Variants in CPOX observed in about 807,000 individuals in gnomAD.
CPOX encodes the protein oxygen-dependent coproporphyrinogen-III oxidase, mitochondrial.
Under a neutral mutation model 48.9 loss-of-function variants are expected in CPOX, and 24 were observed. The ratio of observed to expected loss-of-function variants is 0.49; its 90% CI spans 0.36 to 0.69. The LOEUF (loss-of-function observed/expected upper bound fraction) is 0.69. CPOX is among the 30% of genes least tolerant of loss of function. The pLI, the probability that CPOX is intolerant of heterozygous loss-of-function variation, is 0.00. For synonymous variants in CPOX, 249 were observed against 234.6 expected (o/e 1.06, Z -0.56); for missense variants, 549 against 597.3 (o/e 0.92, Z 0.84).
chr3:98,580,832 TTAAAA>T (rs1478929224), intron 6 of CPOX, 62 bp from the exon 7 acceptor site: 3 of 1,551,484 alleles, frequency 1.9e-6, no homozygotes, highest in African/African-American at 1.4e-5. Context: ...ACCTCTTTAC[TTAAAA>T]TAAATGAAAA....
chr3:98,577,360 G>T (rs1707178155), downstream of CPOX, among the ~76,000 whole-genome samples: 1 of 152,182 alleles, frequency 6.6e-6, no homozygotes, highest in Admixed American at 6.5e-5. Context: ...TAATTCTGAA[G>T]AGAGGGAAAG....
chr3:98,586,671 G>A (rs993247877), intron 4 of CPOX, among the ~76,000 whole-genome samples: 4 of 151,868 alleles, frequency 2.6e-5, no homozygotes, highest in Admixed American at 1.3e-4. Flanking sequence ...TGGGCCGGAC[G>A]CGGTGGCTGA....
chr3:98,572,437 C>A, the CPOX span, among the ~76,000 whole-genome samples: 1 of 151,944 alleles, frequency 6.6e-6, no homozygotes, highest in Non-Finnish European at 1.5e-5. Context: ...GCATCTATTT[C>A]TTTATGGTCC....
rs753030473 is a variant in CPOX at position 98,588,862 on chromosome 3, A to G, written c.812-8T>C. On this transcript the variant is annotated splice_polypyrimidine_tract_variant and splice_region_variant and intron_variant, in intron 3 of 6. Coordinates refer to ENST00000647941, the MANE Select transcript of CPOX (RefSeq NM_000097.7). ...ACCACCACTGCTTGTTGCCTACCAAATCAAGACATGGGATTCTAATGTGGA... is the reference window on the plus strand; with the variant it reads ...ACCACCACTGCTTGTTGCCTACCAAGTCAAGACATGGGATTCTAATGTGGA... 3 of 1,614,058 alleles carry G rather than the reference A, an allele frequency of 1.9e-6. No individual in the cohort carries two copies. The highest frequency in any genetic ancestry group is 1.1e-5 in the South Asian group (1 of 91,082).
At chr3:98,570,754 C>T in the CPOX span, among the ~76,000 whole-genome samples, 2 of 151,976 alleles carry the variant, frequency 1.3e-5, no homozygotes, top group East Asian at 1.9e-4. Context: ...TTGAAATGGC[C>T]ACTTGTATAT....
intron 5 of CPOX, among the ~76,000 whole-genome samples, chr3:98,583,436 CT>C (rs1707298042): frequency 6.6e-6 from 1 of 152,106 alleles, no homozygotes. Context: ...ATTATTTAAT[CT>C]TTTCTGATCC....
intron 5 of CPOX, 46 bp from the exon 6 acceptor site, chr3:98,581,557 T>C (rs1478895556): frequency 1.4e-6 from 2 of 1,440,442 alleles, no homozygotes; most frequent in Non-Finnish European, 2.0e-6. Context: ...CTCAATAAAA[T>C]CTTAAGACTA....
At chr3:98,576,072 C>CAAAAAAAAA (rs56988806), downstream of CPOX, among the ~76,000 whole-genome samples, 9 of 71,418 alleles carry the variant, frequency 1.3e-4, no homozygotes, top group Non-Finnish European at 1.8e-4. Flanking sequence ...AACTCTGCCT[C>CAAAAAAAAA]AAAAAAAAAA....
rs535432218 is a variant in CPOX at position 98,593,018 on chromosome 3, C to A, written c.487G>T (p.Val163Leu). 4.5e-5 allele frequency: 72 copies of A among 1,613,874 alleles called. No homozygotes were observed. The highest frequency in any genetic ancestry group is 1.8e-4 in the Admixed American group (11 of 59,994). The change falls in exon 1 of 7, where the codon GTG (valine) becomes TTG (leucine). Residue 163 changes from valine (V) to leucine (L), a missense_variant. Physicochemically the swap from Val to Leu is conservative, Grantham distance 32. Coordinates refer to ENST00000647941, the MANE Select transcript of CPOX (RefSeq NM_000097.7). ...ELLILETQAQ[V>L]CQALAQVDGG... ...TCTACCTGTGCCAGAGCCTGGCACA[C>A]CTGGGCCTGGGTCTCCAGAATCAGC...
chr3:98,574,615 G>A (rs577338845), downstream of CPOX, among the ~76,000 whole-genome samples: 28 of 152,272 alleles, frequency 1.8e-4, no homozygotes, highest in Admixed American at 3.9e-4. Context: ...AGAGTTTCGC[G>A]CCGTCGCGCA....
intron 1 of CPOX, among the ~76,000 whole-genome samples, chr3:98,592,746 A>T (rs1451287267): frequency 6.6e-6 from 1 of 152,118 alleles, no homozygotes; most frequent in African/African-American, 2.4e-5. Context: ...GTGACAGCTG[A>T]TCCGGGTCCA....
chr3:98,586,529 T>G lies in CPOX; in HGVS notation c.954-870A>C, dbSNP rs2698315. ...TGGAAAAAAAGGTTCAGATGATATC[T>G]TTTATTATTTCATATGTCATATCAG... On this transcript the variant is annotated intron_variant, in intron 4 of 6. Coordinates refer to ENST00000647941, the MANE Select transcript of CPOX (RefSeq NM_000097.7). 3.3e-5 allele frequency among the ~76,000 whole-genome samples: 5 copies of G among 151,886 alleles called. No individual in the cohort carries two copies. In the East Asian group the frequency reaches 9.7e-4, roughly 29 times the overall value.
the CPOX span, among the ~76,000 whole-genome samples, chr3:98,573,104 T>C: frequency 5.3e-5 from 8 of 152,340 alleles, no homozygotes; most frequent in South Asian, 1.7e-3. Context: ...CTCAATCTTT[T>C]TAGAATTATG....
intron 4 of CPOX, among the ~76,000 whole-genome samples, chr3:98,586,817 A>G (rs529173046): frequency 6.6e-6 from 1 of 152,208 alleles, no homozygotes; most frequent in African/African-American, 2.4e-5. Context: ...GGTGGTGGGC[A>G]CCTGTAGTCC....
intron 1 of CPOX, among the ~76,000 whole-genome samples, chr3:98,592,077 A>T (rs914423183): frequency 6.6e-6 from 1 of 152,128 alleles, no homozygotes; most frequent in African/African-American, 2.4e-5. Context: ...GCCATAAAAA[A>T]GTAACTTCTG....
chr3:98,593,386 T>G lies in CPOX; in HGVS notation c.119A>C (p.Gln40Pro). 7.2e-7 allele frequency: 1 copy of G among 1,380,478 alleles called. No homozygotes were observed. Among genetic ancestry groups the G allele is most frequent in the Non-Finnish European group, 9.3e-7 (1 of 1,078,154 alleles). The allele number at this position is 1,380,478 out of a possible 1,614,324, so 85.5% of individuals were successfully genotyped here. A position where few individuals can be genotyped will look rare whatever the true frequency, so the allele number is the denominator to read the frequency against. The part of the protein sequence containing the change: ...CGGGGLRAWS[Q>P]RSAAGRVCRP... Reference sequence around the variant, plus strand: ...GCAGACGCGTCCGGCTGCGCTGCGCTGGGACCAGGCTCGGAGCCCTCCGCC... The same window carrying G: ...GCAGACGCGTCCGGCTGCGCTGCGCGGGGACCAGGCTCGGAGCCCTCCGCC... Residue 40 changes from glutamine to proline, a missense_variant, in exon 1 of 7, where the codon CAG (glutamine) becomes CCG (proline). Gln to Pro is a moderately conservative substitution (Grantham distance 76). Around this residue, in one of 2 missense-constraint regions of CPOX, gnomAD observed 336 missense variants for 318.1 expected, o/e 1.06. Transcript: ENST00000647941.
At chr3:98,577,727 C>T (rs986413605), downstream of CPOX, among the ~76,000 whole-genome samples, 1 of 152,178 alleles carries the variant, frequency 6.6e-6, no homozygotes, top group Admixed American at 6.5e-5. Context: ...TTGCCTTTTT[C>T]CATGGAATTC....
intron 5 of CPOX, among the ~76,000 whole-genome samples, chr3:98,584,200 C>G (rs576746835): frequency 6.6e-6 from 1 of 152,300 alleles, no homozygotes; most frequent in South Asian, 2.1e-4. Context: ...TTACTTTGCA[C>G]AGAGTTCTAA....
At position 98,593,294 on chromosome 3, in the gene CPOX, C is replaced by A. The variant is rs767862234; in HGVS notation, c.211G>T (p.Gly71Cys). The change falls in exon 1 of 7, where the codon GGC becomes TGC. Residue 71 changes from glycine to cysteine, a missense_variant. By Grantham distance (159) the Gly-to-Cys change is radical. Around this residue, in one of 2 missense-constraint regions of CPOX, gnomAD observed 336 missense variants for 318.1 expected, o/e 1.06. Coordinates refer to ENST00000647941, the MANE Select transcript of CPOX (RefSeq NM_000097.7). The part of the protein sequence containing the change: ...GLGHGSTSRG[G>C]PWVGTGLAAA... ...GCCAGCCCTGTCCCCACCCAGGGGCCGCCTCTCGACGTCGAGCCGTGCCCC... is the reference window on the plus strand; with the variant it reads ...GCCAGCCCTGTCCCCACCCAGGGGCAGCCTCTCGACGTCGAGCCGTGCCCC... The A allele has an allele frequency of 3.7e-5, 53 of 1,446,228 alleles. No homozygotes were observed. Among genetic ancestry groups the A allele is most frequent in the Non-Finnish European group, 4.5e-5 (50 of 1,107,414 alleles). 89.6% of individuals were successfully genotyped at this position (1,446,228 alleles called of 1,614,324 possible).
Sources: gnomAD v4.1 joint callset for allele counts (sites outside exome capture counted in the v4.1 genomes callset) on GRCh38, gnomAD v4.1.1 for gene constraint, gnomAD v4.1.1 regional missense constraint, MANE v1.5 for transcripts, NCBI Gene and HGNC (gene_info 2026-07-23, HGNC 2026-07-21) for gene names.